The following KCNH1 variants were observed in gnomAD, a reference collection of about 807,000 sequenced individuals.
KCNH1 encodes the protein potassium voltage-gated channel subfamily H member 1.
Under a neutral mutation model 69.2 loss-of-function variants are expected in KCNH1, and 27 were observed. The observed-to-expected ratio is 0.39, with a 90% CI of 0.29 to 0.54. The LOEUF (loss-of-function observed/expected upper bound fraction) is 0.54. KCNH1 is among the 20% of genes least tolerant of loss of function. The pLI is 0.68. For synonymous variants in KCNH1, 456 were observed against 487.7 expected, an observed-to-expected ratio of 0.93 and a Z score of 0.86; for missense variants, 798 against 1,261.6, an observed-to-expected ratio of 0.63 and a Z score of 5.57.
intron 10 of KCNH1, among the ~76,000 whole-genome samples, chr1:210,723,379 T>A (rs1440680327): frequency 6.6e-6 from 1 of 152,088 alleles, no homozygotes; most frequent in Non-Finnish European, 1.5e-5. Flanking sequence ...GTGGCAGCCA[T>A]GTCCCCCCAG....
chr1:210,913,890 G>A (rs1170170312), intron 7 of KCNH1, among the ~76,000 whole-genome samples: 3 of 152,150 alleles, frequency 2.0e-5, no homozygotes, highest in Admixed American at 2.0e-4. Flanking sequence ...CCAATGTGAT[G>A]TGAACAAAAG....
chr1:210,697,010 C>T (rs1446514268), intron 10 of KCNH1, among the ~76,000 whole-genome samples: 1 of 152,120 alleles, frequency 6.6e-6, no homozygotes, highest in African/African-American at 2.4e-5. Context: ...CCTGTGAAGT[C>T]GAAACTATTA....
chr1:210,975,915 A>G (rs528834747), intron 6 of KCNH1, among the ~76,000 whole-genome samples: 1 of 152,222 alleles, frequency 6.6e-6, no homozygotes, highest in Non-Finnish European at 1.5e-5. Context: ...AAAAAAACAA[A>G]CAACCCCATC....
In KCNH1 at chr1:210,920,036, C is replaced by T. The variant is rs754172417; in HGVS notation, c.1066G>A (p.Val356Ile). The change falls in exon 7 of 11, where the codon GTC (valine) becomes ATC (isoleucine). Residue 356 changes from valine (V) to isoleucine (I), a missense_variant. Physicochemically the swap from Val to Ile is conservative, Grantham distance 29. Around this residue, in one of 4 missense-constraint regions of KCNH1, gnomAD observed 266 missense variants for 457.2 expected, o/e 0.58. Transcript: ENST00000271751. ...ACTCGCCCAAGACGGAGCAGCCGGA[C>T]AACTTTTAGAGAGCTGAACAGGCTG... ...ISSLFSSLKV[V>I]RLLRLGRVAR... is the part of the protein sequence containing the mutation. The T allele has an allele frequency of 1.7e-5, 28 of 1,613,894 alleles. 1 individual carries two copies. In the Middle Eastern group the frequency reaches 2.1e-3, roughly 123 times the overall value.
intron 6 of KCNH1, among the ~76,000 whole-genome samples, chr1:210,942,055 T>C (rs1042324798): frequency 6.6e-6 from 1 of 152,160 alleles, no homozygotes; most frequent in East Asian, 1.9e-4. Flanking sequence ...TAAATCTCTA[T>C]AGAGATTTGT....
At chr1:210,987,992 C>T (rs550498421) in intron 6 of KCNH1, among the ~76,000 whole-genome samples, 1 of 152,334 alleles carries the variant, frequency 6.6e-6, no homozygotes, top group African/African-American at 2.4e-5. Flanking sequence ...GCAGGCGCCC[C>T]TCCCCCAGCC....
intron 6 of KCNH1, among the ~76,000 whole-genome samples, chr1:210,965,893 C>T (rs774505824): frequency 6.6e-6 from 1 of 152,120 alleles, no homozygotes; most frequent in Non-Finnish European, 1.5e-5. Context: ...CTTTAAATTT[C>T]ATATGGAACC....
intron 7 of KCNH1, among the ~76,000 whole-genome samples, chr1:210,814,674 G>A (rs903194271): frequency 2.6e-5 from 4 of 152,156 alleles, no homozygotes; most frequent in Non-Finnish European, 5.9e-5. Context: ...ACTTCTTAGG[G>A]TGGCTGGGAA....
intron 5 of KCNH1, among the ~76,000 whole-genome samples, chr1:211,064,647 C>A (rs1690495869): frequency 6.6e-6 from 1 of 151,854 alleles, no homozygotes; most frequent in Non-Finnish European, 1.5e-5. Context: ...ACAATTATAT[C>A]AAGCTAAAAG....
At chr1:210,978,052 T>C (rs1688646211) in intron 6 of KCNH1, among the ~76,000 whole-genome samples, 3 of 151,984 alleles carry the variant, frequency 2.0e-5, no homozygotes, top group Non-Finnish European at 2.9e-5. Flanking sequence ...TTTTTTTTTT[T>C]TTTTTTAGAT....
At chr1:211,095,048 G>A (rs1389830999) in intron 3 of KCNH1, among the ~76,000 whole-genome samples, 1 of 152,150 alleles carries the variant, frequency 6.6e-6, no homozygotes, top group Non-Finnish European at 1.5e-5. Flanking sequence ...TGACTTTCCT[G>A]CAGACAGAGC....
intron 7 of KCNH1, among the ~76,000 whole-genome samples, chr1:210,902,856 G>T (rs1424011170): frequency 6.6e-6 from 1 of 152,152 alleles, no homozygotes; most frequent in East Asian, 1.9e-4. Context: ...TGTCATGTCT[G>T]CGTTTCATCT....
chr1:210,928,957 T>A (rs184134678), intron 6 of KCNH1, among the ~76,000 whole-genome samples: 2 of 152,246 alleles, frequency 1.3e-5, no homozygotes, highest in East Asian at 3.9e-4. Flanking sequence ...CCTGGAAATA[T>A]GCAACCCTCC....
intron 1 of KCNH1, among the ~76,000 whole-genome samples, chr1:211,113,377 C>T (rs779412445): frequency 2.0e-5 from 3 of 152,200 alleles, no homozygotes; most frequent in Non-Finnish European, 4.4e-5. Flanking sequence ...TTCTGATATA[C>T]AATGATGCCC....
intron 10 of KCNH1, among the ~76,000 whole-genome samples, chr1:210,719,965 C>G (rs1034078230): frequency 1.3e-5 from 2 of 152,164 alleles, no homozygotes. Flanking sequence ...GTGTAAATGT[C>G]TGTGTGTCCC....
intron 7 of KCNH1, among the ~76,000 whole-genome samples, chr1:210,874,716 A>G (rs1332619232): frequency 6.6e-6 from 1 of 152,254 alleles, no homozygotes; most frequent in Non-Finnish European, 1.5e-5. Flanking sequence ...ATATACATAT[A>G]GCAGCATACA....
intron 1 of KCNH1, among the ~76,000 whole-genome samples, chr1:211,119,179 T>C (rs1691642009): frequency 6.6e-6 from 1 of 152,040 alleles, no homozygotes; most frequent in Non-Finnish European, 1.5e-5. Flanking sequence ...GCTAACATGG[T>C]GAAACTCCAT....
intron 6 of KCNH1, among the ~76,000 whole-genome samples, chr1:211,006,216 C>G (rs973147419): frequency 5.9e-5 from 9 of 152,152 alleles, no homozygotes; most frequent in African/African-American, 2.2e-4. Flanking sequence ...AATATACATA[C>G]ACGTATAGCC....
In KCNH1 at chr1:210,848,106, G is replaced by A. The variant is rs541991638; in HGVS notation, c.1463-43940C>T. ...CAAAGAGAGTTATAGGTTCTTGGAA[G>A]TAAGAGGCAACATCTTATGAATCTT... On this transcript the variant is annotated intron_variant, in intron 7 of 10. Coordinates refer to ENST00000271751, the MANE Select transcript of KCNH1 (RefSeq NM_172362.3). Among the ~76,000 whole-genome samples the A allele has an allele frequency of 9.2e-5, 14 of 152,320 alleles. No individual in the cohort carries two copies. In the South Asian group the frequency reaches 1.0e-3, roughly 11 times the overall value.
Sources: gnomAD v4.1 joint callset for allele counts (sites outside exome capture counted in the v4.1 genomes callset) on GRCh38, gnomAD v4.1.1 for gene constraint, gnomAD v4.1.1 regional missense constraint, MANE v1.5 for transcripts, NCBI Gene and HGNC (gene_info 2026-07-23, HGNC 2026-07-21) for gene names.